ZC3H18: variants seen among roughly 807,000 people sequenced by gnomAD.
The protein encoded by ZC3H18 is zinc finger CCCH domain-containing protein 18.
In ZC3H18, 8 loss-of-function variants were observed where a neutral mutation model predicts 106.1. That is an observed-to-expected ratio of 0.08 (90% CI 0.04 to 0.14). The LOEUF (loss-of-function observed/expected upper bound fraction) is 0.14. Ranked by LOEUF, ZC3H18 falls within the 10% of genes least tolerant of loss-of-function variation. The pLI is 1.00. For synonymous variants in ZC3H18, 635 were observed against 522.1 expected, an observed-to-expected ratio of 1.22 and a Z score of -2.95; for missense variants, 1,318 against 1,278.4, an observed-to-expected ratio of 1.03 and a Z score of -0.47.
In ZC3H18 at chr16:88,573,037, A is replaced by G. The variant is rs139338943; in HGVS notation, c.-15+2471A>G. ...CTCCCAAAGTGCTGGGATTACAGGC[A>G]TGAGCCACCACACCCAGCCAATTGT... is the stretch of plus-strand genomic sequence containing the variant. On this transcript the variant is annotated intron_variant, in intron 1 of 17. Transcript: ENST00000301011. Among the ~76,000 whole-genome samples the G allele has an allele frequency of 2.1e-3, 318 of 152,178 alleles. 1 individual carries two copies. The highest frequency in any genetic ancestry group is 6.9e-3 in the African/African-American group (287 of 41,544).
intron 10 of ZC3H18, 136 bp from the exon 11 acceptor site, chr16:88,623,822 A>G: frequency 7.0e-7 from 1 of 1,424,324 alleles, no homozygotes; most frequent in South Asian, 1.6e-5. Flanking sequence ...AGAACAGTCC[A>G]GAACTGAAGT....
chr16:88,584,361 G>A (rs1915313751), intron 2 of ZC3H18, among the ~76,000 whole-genome samples: 1 of 151,676 alleles, frequency 6.6e-6, no homozygotes, highest in African/African-American at 2.4e-5. Flanking sequence ...GGCAGAGGTT[G>A]CAGTGAACCG....
At chr16:88,630,340 C>T (rs931132566) in intron 16 of ZC3H18, 145 bp from the exon 17 acceptor site, 2 of 622,442 alleles carry the variant, frequency 3.2e-6, no homozygotes, top group South Asian at 2.0e-5. Flanking sequence ...ACTTGGCTCT[C>T]CCCTTTTTAT....
intron 2 of ZC3H18, among the ~76,000 whole-genome samples, chr16:88,584,742 C>A (rs1915337065): frequency 1.3e-5 from 2 of 152,160 alleles, no homozygotes; most frequent in African/African-American, 4.8e-5. Flanking sequence ...CAGGGTCCTC[C>A]CTCCAATCTT....
intron 6 of ZC3H18, among the ~76,000 whole-genome samples, chr16:88,600,444 G>T (rs528858394): frequency 6.6e-6 from 1 of 152,190 alleles, no homozygotes; most frequent in South Asian, 2.1e-4. Context: ...GCAGAGTCTT[G>T]CTCTGTCGCC....
chr16:88,627,396 C>A lies in ZC3H18; in HGVS notation c.2109-226C>A. ...GGGATTACAGGCGTGAGCAGCCGTG[C>A]CTGGCTGCAACCTGACATTGATTAG... On this transcript the variant is annotated intron_variant, in intron 13 of 17. Coordinates refer to ENST00000301011, the MANE Select transcript of ZC3H18 (RefSeq NM_144604.4). The surrounding 1 kb of genome is among the most constrained non-coding windows in gnomAD (Gnocchi z 4.5). 2.0e-6 allele frequency: 1 copy of A among 509,530 alleles called. No individual in the cohort carries two copies. Among genetic ancestry groups the A allele is most frequent in the Non-Finnish European group, 3.4e-6 (1 of 292,706 alleles). The allele number at this position is 509,530 out of a possible 1,614,324, so 31.6% of individuals were successfully genotyped here. A position where few individuals can be genotyped will look rare whatever the true frequency, so the allele number is the denominator to read the frequency against.
At chr16:88,630,695 A>C in intron 17 of ZC3H18, 114 bp downstream of exon 17, 1 of 820,878 alleles carries the variant, frequency 1.2e-6, no homozygotes, top group South Asian at 1.6e-5. Context: ...AGGCGTCACT[A>C]CAGCTCCTGC....
At position 88,599,691 on chromosome 16, in the gene ZC3H18, C is replaced by T. The variant is rs998155647; in HGVS notation, c.931-100C>T. 15 of 1,387,026 alleles carry T rather than the reference C, an allele frequency of 1.1e-5. No homozygotes were observed. In the African/African-American group the frequency reaches 2.0e-4, roughly 19 times the overall value. The allele number at this position is 1,387,026 out of a possible 1,614,324, so 85.9% of individuals were successfully genotyped here. On this transcript the variant is annotated intron_variant, in intron 5 of 17. Coordinates refer to ENST00000301011, the MANE Select transcript of ZC3H18 (RefSeq NM_144604.4). ...TTGCAGCGTGCAGCTCCTGCTCCTG[C>T]AGGGCTGCTGCGGTCGGGTGGGACG... is the stretch of plus-strand genomic sequence containing the variant.
In ZC3H18 at chr16:88,598,600, C is replaced by G. The variant is rs370919166; in HGVS notation, c.838-20C>G. 6.3e-7 allele frequency: 1 copy of G among 1,597,640 alleles called. No homozygotes were observed. The highest frequency in any genetic ancestry group is 1.1e-5 in the South Asian group (1 of 88,852). ...TGAAAGTTTTACTTTCTCACCTTCT[C>G]CCTTCTCGTTTTTCAATAGGGTGGG... On this transcript the variant is annotated intron_variant, in intron 4 of 17. Transcript: ENST00000301011.
intron 3 of ZC3H18, among the ~76,000 whole-genome samples, chr16:88,592,708 C>G (rs892694752): frequency 6.6e-6 from 1 of 152,178 alleles, no homozygotes; most frequent in Non-Finnish European, 1.5e-5. Context: ...AACTCCTGAC[C>G]TCAAATGATC....
intron 5 of ZC3H18, 24 bp downstream of exon 5, chr16:88,598,736 C>T (rs1445242008): frequency 1.3e-6 from 2 of 1,593,552 alleles, no homozygotes; most frequent in Non-Finnish European, 1.7e-6. Flanking sequence ...AGCAGAAATC[C>T]CGACAAGAAA....
chr16:88,589,436 A>C (rs760661047), intron 3 of ZC3H18, among the ~76,000 whole-genome samples: 58 of 152,262 alleles, frequency 3.8e-4, no homozygotes, highest in South Asian at 8.3e-4. Context: ...GGAATGGATA[A>C]ACAAGTGTGG....
At chr16:88,617,838 C>A (rs538930135) in intron 8 of ZC3H18, among the ~76,000 whole-genome samples, 1 of 152,268 alleles carries the variant, frequency 6.6e-6, no homozygotes, top group African/African-American at 2.4e-5. Context: ...CCTGGGCCAC[C>A]GCTTCATGCT....
intron 3 of ZC3H18, among the ~76,000 whole-genome samples, chr16:88,587,196 C>T (rs1303649905): frequency 2.0e-5 from 3 of 152,210 alleles, no homozygotes; most frequent in Non-Finnish European, 4.4e-5. Flanking sequence ...GGTGTGAGTT[C>T]AGGAGCTGCA....
Position 88,630,762 on chromosome 16 carries a change from CCCCACA to C in ZC3H18, c.2663+183_2663+188del, listed in dbSNP as rs1472384320. 2.7e-5 allele frequency among the ~76,000 whole-genome samples: 3 copies of C among 111,318 alleles called. 1 individual carries two copies. Among genetic ancestry groups the C allele is most frequent in the South Asian group, 3.5e-4 (1 of 2,878 alleles). The allele number at this position is 111,318 out of a possible 152,430, so 73.0% of individuals were successfully genotyped here. Reference sequence around the variant, plus strand: ...AATTGCAGCCCCACCCCCCACCCCCCCCCACACACACACACACGCTCCTGCCCTGGT... The same window carrying C: ...AATTGCAGCCCCACCCCCCACCCCCCCACACACACACGCTCCTGCCCTGGT... On this transcript the variant is annotated intron_variant, in intron 17 of 17. Coordinates refer to ENST00000301011, the MANE Select transcript of ZC3H18 (RefSeq NM_144604.4).
chr16:88,622,662 A>C, intron 9 of ZC3H18: 1 of 444,186 alleles, frequency 2.3e-6, no homozygotes, highest in Non-Finnish European at 4.0e-6. Flanking sequence ...CACTGGAGGG[A>C]GGGGCACCTG....
intron 11 of ZC3H18, 136 bp downstream of exon 11, chr16:88,624,198 T>G (rs1597358797): frequency 8.0e-7 from 1 of 1,252,756 alleles, no homozygotes. Context: ...CCCCAGGGGG[T>G]GACTGGGCTG....
At chr16:88,573,766 G>A (rs1424002618) in intron 1 of ZC3H18, among the ~76,000 whole-genome samples, 2 of 151,808 alleles carry the variant, frequency 1.3e-5, no homozygotes, top group Non-Finnish European at 2.9e-5. Context: ...GATAGTAACC[G>A]AATAGTGTAC....
chr16:88,619,425 C>T (rs1013093626), intron 8 of ZC3H18, among the ~76,000 whole-genome samples: 1 of 152,180 alleles, frequency 6.6e-6, no homozygotes, highest in South Asian at 2.1e-4. Flanking sequence ...GTGGTGCGGC[C>T]GGCGGCAGCG....
Sources: gnomAD v4.1 joint callset for allele counts (sites outside exome capture counted in the v4.1 genomes callset) on GRCh38, gnomAD v4.1.1 for gene constraint, Gnocchi (gnomAD v3.1) non-coding constraint, MANE v1.5 for transcripts, NCBI Gene and HGNC (gene_info 2026-07-23, HGNC 2026-07-21) for gene names.